FILIP1L: variants seen among roughly 807,000 people sequenced by gnomAD.
The protein encoded by FILIP1L is filamin A interacting protein 1 like.
Under a neutral mutation model 96.6 loss-of-function variants are expected in FILIP1L, and 55 were observed. That is an observed-to-expected ratio of 0.57 (90% CI 0.46 to 0.71). The LOEUF is 0.71. FILIP1L is among the 30% of genes least tolerant of loss of function. The pLI is 0.00. For missense variants in FILIP1L, 1,304 were observed against 1,321.2 expected, an observed-to-expected ratio of 0.99 and a Z score of 0.20; for synonymous variants, 467 against 473.9, an observed-to-expected ratio of 0.99 and a Z score of 0.19.
chr3:100,080,235 G>C (rs908075070), intron 1 of FILIP1L, among the ~76,000 whole-genome samples: 1 of 151,972 alleles, frequency 6.6e-6, no homozygotes, highest in Non-Finnish European at 1.5e-5. Context: ...CACCTGCCTT[G>C]GCCTCCCAAA....
chr3:99,974,709 A>AAAC (rs371476675), intron 1 of FILIP1L, among the ~76,000 whole-genome samples: 57 of 152,022 alleles, frequency 3.7e-4, no homozygotes, highest in East Asian at 2.1e-3. Flanking sequence ...CTCCATCTCA[A>AAAC]AACAACAACA....
At chr3:99,841,719 C>A (rs1035507022) in intron 5 of FILIP1L, among the ~76,000 whole-genome samples, 1 of 152,096 alleles carries the variant, frequency 6.6e-6, no homozygotes, top group Non-Finnish European at 1.5e-5. Flanking sequence ...ATGGCAAACA[C>A]ACATATAAAA....
intron 4 of FILIP1L, among the ~76,000 whole-genome samples, chr3:99,870,532 T>C (rs1035745239): frequency 2.6e-5 from 4 of 152,220 alleles, no homozygotes; most frequent in African/African-American, 9.6e-5. Flanking sequence ...ATCTTAGTCC[T>C]TGTCATTAAT....
chr3:100,083,963 T>C (rs1043638360), intron 1 of FILIP1L, among the ~76,000 whole-genome samples: 1 of 152,228 alleles, frequency 6.6e-6, no homozygotes, highest in Non-Finnish European at 1.5e-5. Flanking sequence ...TTATGTATGC[T>C]GAAGTTGACA....
At chr3:99,983,387 TAA>T (rs67879099) in intron 1 of FILIP1L, among the ~76,000 whole-genome samples, 2,587 of 19,970 alleles carry the variant, frequency 0.13, 125 homozygotes, top group East Asian at 0.19. Context: ...AATAAATAAA[TAA>T]ATATATATAT....
intron 1 of FILIP1L, among the ~76,000 whole-genome samples, chr3:99,952,318 T>C (rs1290181275): frequency 6.6e-6 from 1 of 152,210 alleles, no homozygotes; most frequent in Non-Finnish European, 1.5e-5. Context: ...TAAGGTATTT[T>C]CATAATGAGC....
chr3:99,835,601 T>C (rs1214533441), intron 5 of FILIP1L, among the ~76,000 whole-genome samples: 4 of 152,190 alleles, frequency 2.6e-5, no homozygotes, highest in African/African-American at 7.2e-5. Context: ...TGGGAATTAA[T>C]AGGTCTGGGA....
At chr3:99,836,361 C>G (rs1285557514) in intron 5 of FILIP1L, among the ~76,000 whole-genome samples, 1 of 152,084 alleles carries the variant, frequency 6.6e-6, no homozygotes, top group Non-Finnish European at 1.5e-5. Flanking sequence ...AGACAAAGAG[C>G]AGTTCAAGAA....
chr3:99,861,381 T>C (rs1944245475), intron 4 of FILIP1L, among the ~76,000 whole-genome samples: 1 of 152,226 alleles, frequency 6.6e-6, no homozygotes, highest in African/African-American at 2.4e-5. Context: ...ATGTGATGCC[T>C]TGTATTATCA....
At chr3:99,955,697 G>A (rs1708302393) in intron 1 of FILIP1L, among the ~76,000 whole-genome samples, 1 of 152,058 alleles carries the variant, frequency 6.6e-6, no homozygotes, top group Admixed American at 6.5e-5. Flanking sequence ...CATTGATGAT[G>A]AAGATCCTTC....
At chr3:99,892,793 A>G (rs948759925) in intron 4 of FILIP1L, among the ~76,000 whole-genome samples, 3 of 152,246 alleles carry the variant, frequency 2.0e-5, no homozygotes, top group Admixed American at 6.5e-5. Context: ...AGAGAATGAC[A>G]TAACTAGCTT....
chr3:99,933,166 T>G (rs1469944848), intron 1 of FILIP1L, among the ~76,000 whole-genome samples: 1 of 152,180 alleles, frequency 6.6e-6, no homozygotes, highest in Non-Finnish European at 1.5e-5. Context: ...CTCTTAAAAA[T>G]CATGCCGTAA....
In FILIP1L at chr3:100,074,908, G is replaced by T. The variant is rs2065826024; in HGVS notation, c.-11+39145C>A. 3.3e-5 allele frequency among the ~76,000 whole-genome samples: 5 copies of T among 151,598 alleles called. No individual in the cohort carries two copies. The South Asian group carries it at 8.3e-4, about 25-fold the overall frequency. On this transcript the variant is annotated intron_variant, in intron 1 of 5. Coordinates refer to ENST00000477258, the MANE Select transcript of FILIP1L (RefSeq NM_001387850.1). ...AGGGTTTCGCCGTGTTGGCCAGGCT[G>T]GTCTCGAACTCCTGACCTCAAGTGA...
intron 1 of FILIP1L, among the ~76,000 whole-genome samples, chr3:100,106,043 A>AG (rs1452754185): frequency 3.3e-5 from 5 of 152,124 alleles, no homozygotes; most frequent in African/African-American, 1.2e-4. Flanking sequence ...TATACCTCCT[A>AG]GGGGTTTCAA....
At chr3:99,967,178 G>T (rs1708679388) in intron 1 of FILIP1L, among the ~76,000 whole-genome samples, 1 of 152,224 alleles carries the variant, frequency 6.6e-6, no homozygotes, top group African/African-American at 2.4e-5. Flanking sequence ...AGGACTCTTG[G>T]AATGTGTTCT....
At chr3:99,971,487 T>C (rs58704213) in intron 1 of FILIP1L, among the ~76,000 whole-genome samples, 75,089 of 152,038 alleles carry the variant, frequency 0.49, 18,967 homozygotes, top group East Asian at 0.69. Flanking sequence ...AATACTGGTA[T>C]GGGACTCAGG....
intron 1 of FILIP1L, among the ~76,000 whole-genome samples, chr3:99,959,964 C>T (rs765544483): frequency 6.6e-6 from 1 of 152,078 alleles, no homozygotes; most frequent in Non-Finnish European, 1.5e-5. Flanking sequence ...CTGTCACTTG[C>T]AGAAAAAAAG....
At chr3:99,929,276 A>C (rs1222066009) in intron 3 of FILIP1L, among the ~76,000 whole-genome samples, 1 of 152,218 alleles carries the variant, frequency 6.6e-6, no homozygotes, top group Non-Finnish European at 1.5e-5. Context: ...TGTAATTGCT[A>C]GGTACGCTTG....
Position 100,114,403 on chromosome 3 carries a change from G to A in FILIP1L, c.-361C>T. 1 of 152,544 alleles carries A rather than the reference G, an allele frequency of 6.6e-6. No individual in the cohort carries two copies. The highest frequency in any genetic ancestry group is 1.5e-5 in the Non-Finnish European group (1 of 68,258). 9.4% of individuals were successfully genotyped at this position (152,544 alleles called of 1,614,324 possible). On this transcript the variant is annotated 5_prime_UTR_variant, in exon 1 of 6. The change creates a premature stop within an existing upstream ORF in the 5' untranslated region. Transcript: ENST00000477258. ...TCTCTGTGGAAGAAAGGTTCTAACTGGACTGGGCTGCAGGATGAGGTGACC... is the reference window on the plus strand; with the variant it reads ...TCTCTGTGGAAGAAAGGTTCTAACTAGACTGGGCTGCAGGATGAGGTGACC...
Sources: allele counts gnomAD v4.1 joint callset (sites outside exome capture counted in the v4.1 genomes callset), GRCh38; gene constraint gnomAD v4.1.1; transcripts MANE v1.5; gene names NCBI Gene and HGNC (gene_info 2026-07-23, HGNC 2026-07-21).